The following MCU variants were observed in gnomAD, a reference collection of about 807,000 sequenced individuals.
MCU encodes the protein calcium uniporter protein, mitochondrial.
MCU carries 12 observed loss-of-function variants against 45.2 expected under a neutral mutation model. The ratio of observed to expected loss-of-function variants is 0.27; its 90% CI spans 0.17 to 0.43. MCU has a LOEUF of 0.43. Ranked by LOEUF, MCU falls within the 20% of genes least tolerant of loss-of-function variation. The probability of loss-of-function intolerance (pLI) is 1.00; values close to 1 mark genes in which losing one functional copy is unlikely to be tolerated. For synonymous variants in MCU, 160 were observed against 165.1 expected, an observed-to-expected ratio of 0.97 and a Z score of 0.24; for missense variants, 324 against 436.7, an observed-to-expected ratio of 0.74 and a Z score of 2.30.
At chr10:72,846,685 T>C (rs140129383) in intron 2 of MCU, among the ~76,000 whole-genome samples, 1 of 152,196 alleles carries the variant, frequency 6.6e-6, no homozygotes, top group Non-Finnish European at 1.5e-5. Context: ...AAAAAAATTT[T>C]TTTTCTTCTT....
chr10:72,739,219 A>G (rs1011712484), intron 1 of MCU, among the ~76,000 whole-genome samples: 1 of 152,214 alleles, frequency 6.6e-6, no homozygotes, highest in African/African-American at 2.4e-5. Flanking sequence ...TAATCTTCAA[A>G]AAAGAAAAGG....
intron 1 of MCU, among the ~76,000 whole-genome samples, chr10:72,742,557 T>C (rs1373850278): frequency 2.0e-5 from 3 of 152,242 alleles, no homozygotes; most frequent in Non-Finnish European, 2.9e-5. Context: ...ATGTGTTCTT[T>C]GGATGCTTGC....
intron 1 of MCU, among the ~76,000 whole-genome samples, chr10:72,776,241 C>A (rs529801339): frequency 6.6e-6 from 1 of 151,606 alleles, no homozygotes; most frequent in Admixed American, 6.6e-5. Context: ...TACCCTGATA[C>A]CAAAACAGAT....
chr10:72,860,833 A>G (rs1174287301), intron 4 of MCU, among the ~76,000 whole-genome samples: 1 of 152,186 alleles, frequency 6.6e-6, no homozygotes, highest in Non-Finnish European at 1.5e-5. Flanking sequence ...TAAAGGCCAA[A>G]AGTCATACTA....
intron 1 of MCU, among the ~76,000 whole-genome samples, chr10:72,805,225 C>T (rs1427922948): frequency 2.3e-5 from 3 of 130,960 alleles, no homozygotes; most frequent in African/African-American, 9.4e-5. Context: ...CTTTCCTTTC[C>T]TTTTTCCTTT....
chr10:72,763,998 C>G (rs1041348365), intron 1 of MCU, among the ~76,000 whole-genome samples: 1 of 151,972 alleles, frequency 6.6e-6, no homozygotes, highest in African/African-American at 2.4e-5. Context: ...TATTTTTTTT[C>G]TCTAAAAGTA....
chr10:72,705,228 T>G (rs1421795193), intron 1 of MCU, among the ~76,000 whole-genome samples: 1 of 152,136 alleles, frequency 6.6e-6, no homozygotes, highest in Non-Finnish European at 1.5e-5. Context: ...TGTGCAGGTT[T>G]GTTATATAGG....
intron 1 of MCU, among the ~76,000 whole-genome samples, chr10:72,706,486 C>T (rs1037942535): frequency 1.5e-4 from 22 of 149,166 alleles, no homozygotes; most frequent in South Asian, 6.2e-4. Flanking sequence ...ACAAAAGTGT[C>T]GGTATTTATT....
In MCU at chr10:72,855,122, T is replaced by C. The variant is rs143070255; in HGVS notation, c.221-4055T>C. Reference sequence around the variant, plus strand: ...GTTGTGGTGATGGGTACCTGTAGTCTCAGCTACCCAGGAGGTAGAGGCAGG... The same window carrying C: ...GTTGTGGTGATGGGTACCTGTAGTCCCAGCTACCCAGGAGGTAGAGGCAGG... On this transcript the variant is annotated intron_variant, in intron 2 of 7. Transcript: ENST00000373053. Among the ~76,000 whole-genome samples, 904 of 151,960 alleles carry C rather than the reference T, an allele frequency of 5.9e-3. 11 individuals carry two copies. Among genetic ancestry groups the C allele is most frequent in the African/African-American group, 0.021 (851 of 41,436 alleles).
intron 1 of MCU, among the ~76,000 whole-genome samples, chr10:72,818,252 G>A (rs1439982652): frequency 6.6e-6 from 1 of 152,226 alleles, no homozygotes; most frequent in African/African-American, 2.4e-5. Flanking sequence ...TTAGTGAGCA[G>A]AGAGAGGCTA....
chr10:72,720,099 A>C (rs1843001563), intron 1 of MCU, among the ~76,000 whole-genome samples: 1 of 151,622 alleles, frequency 6.6e-6, no homozygotes, highest in Non-Finnish European at 1.5e-5. Flanking sequence ...CTGGTCTTGC[A>C]CTCCTAGCCT....
chr10:72,805,157 T>TTCTTTCTG (rs1564562326), intron 1 of MCU, among the ~76,000 whole-genome samples: 2 of 137,914 alleles, frequency 1.5e-5, no homozygotes, highest in Non-Finnish European at 3.0e-5. Flanking sequence ...CTTTCTTTCT[T>TTCTTTCTG]TCTGTCTCTC....
intron 6 of MCU, among the ~76,000 whole-genome samples, chr10:72,880,645 C>T (rs1032493752): frequency 9.9e-5 from 15 of 152,022 alleles, no homozygotes; most frequent in Non-Finnish European, 1.9e-4. Flanking sequence ...GCTTCTAAAA[C>T]GGTATGAAAA....
chr10:72,749,367 TA>T (rs139968237), intron 1 of MCU, among the ~76,000 whole-genome samples: 8,017 of 152,256 alleles, frequency 0.053, 710 homozygotes, highest in African/African-American at 0.18. Flanking sequence ...ACCTGACTGA[TA>T]GGAGCTTTTC....
chr10:72,848,994 G>A (rs1289259683), intron 2 of MCU, among the ~76,000 whole-genome samples: 1 of 151,880 alleles, frequency 6.6e-6, no homozygotes, highest in African/African-American at 2.4e-5. Context: ...AAAATAGAAT[G>A]AAAGGGCCGG....
intron 1 of MCU, among the ~76,000 whole-genome samples, chr10:72,714,023 A>G (rs1488078727): frequency 1.4e-5 from 2 of 148,032 alleles, no homozygotes; most frequent in South Asian, 2.1e-4. Flanking sequence ...CTGGAGTGCA[A>G]TGGCGCGATC....
In MCU at chr10:72,699,032, C is replaced by G. The variant is rs565299421; in HGVS notation, c.150+6731C>G. ...TTGCCCATGTTGGTCTTGAACTCCT[C>G]GGCTCAAGCAGTCCTCCTGCCTTGG... is the stretch of plus-strand genomic sequence containing the variant. On this transcript the variant is annotated intron_variant, in intron 1 of 7. Transcript: ENST00000373053. Among the ~76,000 whole-genome samples the G allele has an allele frequency of 4.6e-5, 7 of 152,136 alleles. No individual in the cohort carries two copies. In the South Asian group the frequency reaches 1.5e-3, roughly 32 times the overall value.
intron 1 of MCU, among the ~76,000 whole-genome samples, chr10:72,813,651 G>T (rs902087293): frequency 2.0e-5 from 3 of 151,786 alleles, no homozygotes. Flanking sequence ...TAGAGACAGG[G>T]TTTCACTATG....
chr10:72,725,503 C>T (rs1843085719), intron 1 of MCU, among the ~76,000 whole-genome samples: 1 of 80,548 alleles, frequency 1.2e-5, no homozygotes, highest in African/African-American at 5.2e-5. Flanking sequence ...CTAACTCCTG[C>T]CTTCAAATGA....
Sources: allele counts gnomAD v4.1 joint callset (sites outside exome capture counted in the v4.1 genomes callset), GRCh38; gene constraint gnomAD v4.1.1; transcripts MANE v1.5; gene names NCBI Gene and HGNC (gene_info 2026-07-23, HGNC 2026-07-21).